CADM1: variants seen among roughly 807,000 people sequenced by gnomAD.
The protein encoded by CADM1 is TSLC-1.
A neutral mutation model predicts 53.1 loss-of-function variants in CADM1; 15 were observed. The ratio of observed to expected loss-of-function variants is 0.28; its 90% CI spans 0.19 to 0.44. The LOEUF (loss-of-function observed/expected upper bound fraction) is 0.44, where lower values mean the gene tolerates loss of function less well. Among genes scored for constraint, CADM1 ranks in the 20% least tolerant of loss-of-function variants. CADM1 has a pLI of 1.00. For missense variants in CADM1, 434 were observed against 611.3 expected, an observed-to-expected ratio of 0.71 and a Z score of 3.06; for synonymous variants, 281 against 243.0, an observed-to-expected ratio of 1.16 and a Z score of -1.45.
intron 10 of CADM1, among the ~76,000 whole-genome samples, chr11:115,179,401 G>A (rs1939202427): frequency 8.1e-6 from 1 of 124,104 alleles, no homozygotes; most frequent in African/African-American, 2.6e-5. Flanking sequence ...ATTGTCCATT[G>A]CCACCAACGG....
Position 115,391,572 on chromosome 11 carries a change from A to T in CADM1, c.124+112699T>A, listed in dbSNP as rs530441207. Among the ~76,000 whole-genome samples the T allele has an allele frequency of 2.6e-5, 4 of 152,342 alleles. No homozygotes were observed. In the East Asian group the frequency reaches 7.7e-4, roughly 29 times the overall value. On this transcript the variant is annotated intron_variant, in intron 1 of 11. Coordinates refer to ENST00000331581, the MANE Select transcript of CADM1 (RefSeq NM_001301043.2). Reference sequence around the variant, plus strand: ...AAAGAGAAGAGGAGGAGGATGCGGGAGGGAGAGAGGAATCCAGAAATTTCA... The same window carrying T: ...AAAGAGAAGAGGAGGAGGATGCGGGTGGGAGAGAGGAATCCAGAAATTTCA...
intron 1 of CADM1, among the ~76,000 whole-genome samples, chr11:115,382,883 G>A (rs1345647934): frequency 1.3e-5 from 2 of 152,098 alleles, no homozygotes; most frequent in African/African-American, 4.8e-5. Context: ...TTTGAAAATA[G>A]AGTGAAACAA....
chr11:115,198,250 C>T (rs1050279569), intron 9 of CADM1, among the ~76,000 whole-genome samples, 156 bp downstream of exon 9: 4 of 152,144 alleles, frequency 2.6e-5, no homozygotes, highest in East Asian at 1.9e-4. Flanking sequence ...TGACAAGACT[C>T]GACATCTTTT....
chr11:115,436,361 TTGAG>T (rs1948182790), intron 1 of CADM1, among the ~76,000 whole-genome samples: 1 of 152,212 alleles, frequency 6.6e-6, no homozygotes, highest in African/African-American at 2.4e-5. Context: ...ATTCACCTTC[TTGAG>T]TTTCTTTGCT....
intron 8 of CADM1, among the ~76,000 whole-genome samples, chr11:115,199,928 G>A (rs1303380604): frequency 2.6e-5 from 4 of 152,208 alleles, no homozygotes; most frequent in African/African-American, 9.6e-5. Flanking sequence ...TAAATGCACT[G>A]GAACTTCATA....
At chr11:115,342,578 A>G (rs1467866247) in intron 1 of CADM1, among the ~76,000 whole-genome samples, 1 of 152,176 alleles carries the variant, frequency 6.6e-6, no homozygotes, top group Non-Finnish European at 1.5e-5. Context: ...TGCCAAGGAT[A>G]TGCTTCACTA....
chr11:115,394,624 T>G (rs1946945301), intron 1 of CADM1, among the ~76,000 whole-genome samples: 1 of 152,356 alleles, frequency 6.6e-6, no homozygotes, highest in East Asian at 1.9e-4. Context: ...TAATGTCATC[T>G]TATTTATAAA....
chr11:115,390,636 T>C (rs1433043319), intron 1 of CADM1, among the ~76,000 whole-genome samples: 2 of 147,740 alleles, frequency 1.4e-5, no homozygotes, highest in African/African-American at 5.0e-5. Flanking sequence ...TCTAATAGGT[T>C]CCCGGAGTCA....
intron 1 of CADM1, among the ~76,000 whole-genome samples, chr11:115,267,678 CTTTT>C (rs56712105): frequency 4.6e-5 from 6 of 131,290 alleles, no homozygotes; most frequent in East Asian, 4.1e-4. Flanking sequence ...AAATTGCTTT[CTTTT>C]TTTTTTTTTT....
chr11:115,490,507 G>C (rs530551237), intron 1 of CADM1, among the ~76,000 whole-genome samples: 4 of 146,926 alleles, frequency 2.7e-5, no homozygotes, highest in African/African-American at 7.6e-5. Context: ...CAAGCAATTC[G>C]CCTGCCTCAG....
At chr11:115,234,630 C>T (rs112614326) in intron 3 of CADM1, among the ~76,000 whole-genome samples, 16 of 152,200 alleles carry the variant, frequency 1.1e-4, no homozygotes, top group Non-Finnish European at 1.9e-4. Context: ...AAGTGGCTCA[C>T]GCCTGTAATG....
intron 1 of CADM1, among the ~76,000 whole-genome samples, chr11:115,461,104 T>C (rs979441361): frequency 4.6e-5 from 7 of 151,274 alleles, no homozygotes; most frequent in Non-Finnish European, 4.4e-5. Flanking sequence ...TACTGTGCAA[T>C]GGAAATGGAA....
Position 115,238,778 on chromosome 11 carries a change from A to T in CADM1, c.272-126T>A, listed in dbSNP as rs2134901734. 4.3e-6 allele frequency: 4 copies of T among 927,960 alleles called. No homozygotes were observed. The East Asian group carries it at 1.0e-4, about 24-fold the overall frequency. The allele number at this position is 927,960 out of a possible 1,614,324, so 57.5% of individuals were successfully genotyped here. On this transcript the variant is annotated intron_variant, in intron 2 of 11. Coordinates refer to ENST00000331581, the MANE Select transcript of CADM1 (RefSeq NM_001301043.2). ...CTTACTATTTTGGGTGTTTGCAGTAACTTCATGTAGACAAATAACCTTGTC... is the reference window on the plus strand; with the variant it reads ...CTTACTATTTTGGGTGTTTGCAGTATCTTCATGTAGACAAATAACCTTGTC...
At chr11:115,225,307 T>C (rs1941563237) in intron 5 of CADM1, among the ~76,000 whole-genome samples, 1 of 122,500 alleles carries the variant, frequency 8.2e-6, no homozygotes, top group Non-Finnish European at 2.0e-5. Context: ...ATATTTATAA[T>C]AAAAAAGGGG....
chr11:115,437,582 G>A (rs563169034), intron 1 of CADM1, among the ~76,000 whole-genome samples: 233 of 152,242 alleles, frequency 1.5e-3, no homozygotes, highest in Non-Finnish European at 3.1e-3. Flanking sequence ...CAGGAGAAAC[G>A]GGAAGATACC....
chr11:115,493,411 C>T (rs1949543365), intron 1 of CADM1, among the ~76,000 whole-genome samples: 1 of 152,004 alleles, frequency 6.6e-6, no homozygotes. Context: ...ATATTTGATT[C>T]AGACAAGGTT....
intron 1 of CADM1, among the ~76,000 whole-genome samples, chr11:115,472,465 G>A (rs980872238): frequency 2.6e-5 from 4 of 152,266 alleles, no homozygotes; most frequent in Non-Finnish European, 5.9e-5. Flanking sequence ...GGGTGTGTGT[G>A]TGAGAGAGAG....
intron 1 of CADM1, among the ~76,000 whole-genome samples, chr11:115,390,962 TAAG>T (rs1335367843): frequency 6.6e-6 from 1 of 152,208 alleles, no homozygotes; most frequent in African/African-American, 2.4e-5. Context: ...GGCACATTCA[TAAG>T]AATACACTAA....
intron 1 of CADM1, among the ~76,000 whole-genome samples, chr11:115,433,190 TTTCTTC>T (rs1328815821): frequency 6.6e-6 from 1 of 152,142 alleles, no homozygotes; most frequent in African/African-American, 2.4e-5. Flanking sequence ...TACAGTGACT[TTTCTTC>T]TTCTTCTTCT....
Sources: allele counts gnomAD v4.1 joint callset (sites outside exome capture counted in the v4.1 genomes callset), GRCh38; gene constraint gnomAD v4.1.1; transcripts MANE v1.5; gene names NCBI Gene and HGNC (gene_info 2026-07-23, HGNC 2026-07-21).